R3HDM2: variants seen among roughly 807,000 people sequenced by gnomAD.
R3HDM2 encodes the protein R3H domain containing 2, also known as R3H domain-containing protein 2.
Under a neutral mutation model 124.5 loss-of-function variants are expected in R3HDM2, and 38 were observed. The observed-to-expected ratio is 0.31, with a 90% CI of 0.24 to 0.40. The LOEUF is 0.40. R3HDM2 is among the 10% of genes least tolerant of loss of function. The pLI, the probability that R3HDM2 is intolerant of heterozygous loss-of-function variation, is 1.00. For synonymous variants in R3HDM2, 391 were observed against 448.0 expected, an observed-to-expected ratio of 0.87 and a Z score of 1.61; for missense variants, 869 against 1,236.9, an observed-to-expected ratio of 0.70 and a Z score of 4.46.
At position 57,268,366 on chromosome 12, in the gene R3HDM2, A is replaced by C; in HGVS notation, c.1967T>G (p.Leu656Arg). Residue 656 changes from leucine to arginine, a missense_variant, in exon 18 of 24, where the codon CTC (leucine) becomes CGC (arginine). Physicochemically the swap from Leu to Arg is moderately radical, Grantham distance 102 (BLOSUM62 -2). Around this residue, in one of 2 missense-constraint regions of R3HDM2, gnomAD observed 602 missense variants for 789.2 expected, o/e 0.76. Coordinates refer to ENST00000402412, the MANE Select transcript of R3HDM2 (RefSeq NM_001394031.1). ...GTACACTGGTACCCCCGCTGCTGGG[A>C]GGCCTCCTTGCACAGACTGGCTCAC... The part of the protein sequence containing the change: ...VPVSQSVQGG[L>R]PAAGVPVYYS... The C allele has an allele frequency of 6.2e-7, 1 of 1,614,116 alleles. No individual in the cohort carries two copies. The highest frequency in any genetic ancestry group is 2.2e-5 in the East Asian group (1 of 44,884).
At chr12:57,278,588 C>T (rs186603113) in intron 14 of R3HDM2, among the ~76,000 whole-genome samples, 139 of 152,230 alleles carry the variant, frequency 9.1e-4, no homozygotes, top group African/African-American at 3.3e-3. Flanking sequence ...GCATAGTTTA[C>T]CCACTTACAG....
At chr12:57,277,728 G>A (rs1369204473) in intron 14 of R3HDM2, among the ~76,000 whole-genome samples, 1 of 152,162 alleles carries the variant, frequency 6.6e-6, no homozygotes, top group Non-Finnish European at 1.5e-5. Flanking sequence ...GATTACAGGC[G>A]TGAGCTACCG....
intron 2 of R3HDM2, among the ~76,000 whole-genome samples, chr12:57,351,769 G>A (rs2060702049): frequency 6.6e-6 from 1 of 152,132 alleles, no homozygotes; most frequent in African/African-American, 2.4e-5. Context: ...ACATGGCACA[G>A]AGTAGGAACT....
chr12:57,338,595 T>C (rs1438355236), intron 2 of R3HDM2, among the ~76,000 whole-genome samples: 1 of 152,200 alleles, frequency 6.6e-6, no homozygotes, highest in Non-Finnish European at 1.5e-5. Context: ...TTTCACCATA[T>C]AGCCCAGGCT....
At chr12:57,382,605 G>A (rs1284779920) in intron 2 of R3HDM2, among the ~76,000 whole-genome samples, 1 of 150,170 alleles carries the variant, frequency 6.7e-6, no homozygotes, top group Non-Finnish European at 1.5e-5. Context: ...GGGAGGCCGA[G>A]GAGGGCCGAT....
At chr12:57,293,528 A>G (rs1359216929) in intron 10 of R3HDM2, among the ~76,000 whole-genome samples, 1 of 152,158 alleles carries the variant, frequency 6.6e-6, no homozygotes, top group Non-Finnish European at 1.5e-5. Context: ...ACCTCTGAGT[A>G]GCCTACCATC....
intron 10 of R3HDM2, among the ~76,000 whole-genome samples, chr12:57,294,091 T>C (rs551923876): frequency 6.6e-6 from 1 of 152,266 alleles, no homozygotes; most frequent in Non-Finnish European, 1.5e-5. Context: ...ATAACCCCCA[T>C]CCTCATTGGG....
chr12:57,388,857 A>AC (rs1183298258), intron 2 of R3HDM2, among the ~76,000 whole-genome samples: 1 of 152,182 alleles, frequency 6.6e-6, no homozygotes, highest in Non-Finnish European at 1.5e-5. Context: ...ATTAAAGAAA[A>AC]AAAAGATGGT....
At chr12:57,257,923 C>G (rs2039537463) in intron 21 of R3HDM2, 67 bp downstream of exon 21, 1 of 1,372,122 alleles carries the variant, frequency 7.3e-7, no homozygotes, top group African/African-American at 1.4e-5. Context: ...CTCTTTCAAT[C>G]TCTGCAATTG....
At chr12:57,386,416 G>A (rs919758388) in intron 2 of R3HDM2, among the ~76,000 whole-genome samples, 17 of 152,240 alleles carry the variant, frequency 1.1e-4, no homozygotes, top group African/African-American at 3.9e-4. Flanking sequence ...GAGGCCAGCC[G>A]GCCCCGCCCA....
Position 57,283,975 on chromosome 12 carries a change from G to A in R3HDM2, c.1020C>T (p.Arg340=). ...CATCAGAGTCTGTGCTGCTCCAAGGGCGTGGCTCCAGGGATTTGAGTTCGC... is the reference window on the plus strand; with the variant it reads ...CATCAGAGTCTGTGCTGCTCCAAGGACGTGGCTCCAGGGATTTGAGTTCGC... ...TDSELKSLEP[R]PWSSTDSDGS... is the part of the protein sequence containing the mutation. Residue 340 remains arginine (R), a synonymous_variant, in exon 13 of 24, where the codon CGC becomes CGT. Transcript: ENST00000402412. 1 of 1,614,126 alleles carries A rather than the reference G, an allele frequency of 6.2e-7. No homozygotes were observed. Among genetic ancestry groups the A allele is most frequent in the Non-Finnish European group, 8.5e-7 (1 of 1,179,998 alleles).
At chr12:57,405,372 C>T (rs537956201) in intron 1 of R3HDM2, among the ~76,000 whole-genome samples, 124 of 152,284 alleles carry the variant, frequency 8.1e-4, no homozygotes, top group Middle Eastern at 3.4e-3. Flanking sequence ...GGTGCAGTGG[C>T]TCATGCCTGT....
chr12:57,391,929 A>C (rs1432572268), intron 2 of R3HDM2, among the ~76,000 whole-genome samples: 1 of 152,198 alleles, frequency 6.6e-6, no homozygotes, highest in Non-Finnish European at 1.5e-5. Flanking sequence ...TGGGAGGCTG[A>C]GGCGGGTGGA....
intron 2 of R3HDM2, among the ~76,000 whole-genome samples, chr12:57,373,272 A>G (rs998363950): frequency 4.6e-5 from 7 of 151,734 alleles, no homozygotes; most frequent in Admixed American, 4.6e-4. Flanking sequence ...AGGCCAATGC[A>G]GGTGGATCAC....
intron 19 of R3HDM2, among the ~76,000 whole-genome samples, chr12:57,259,294 T>G (rs1440455373): frequency 1.3e-5 from 2 of 152,228 alleles, no homozygotes; most frequent in East Asian, 3.8e-4. Context: ...TCCCCTGGCC[T>G]TCACCTGGTG....
intron 2 of R3HDM2, among the ~76,000 whole-genome samples, chr12:57,326,511 A>C (rs2057330872): frequency 6.6e-6 from 1 of 152,252 alleles, no homozygotes; most frequent in Non-Finnish European, 1.5e-5. Flanking sequence ...GCTGCAGAAG[A>C]AAAGTTTGCT....
intron 1 of R3HDM2, among the ~76,000 whole-genome samples, chr12:57,420,167 A>G (rs2070048632): frequency 6.6e-6 from 1 of 152,020 alleles, no homozygotes; most frequent in Non-Finnish European, 1.5e-5. Flanking sequence ...TTCTGTTATC[A>G]TGGCTCTGTA....
chr12:57,382,760 C>T (rs1489237706), intron 2 of R3HDM2, among the ~76,000 whole-genome samples: 2 of 151,824 alleles, frequency 1.3e-5, no homozygotes, highest in South Asian at 2.1e-4. Context: ...GGCTTGAACC[C>T]AGGAGGCGGA....
intron 14 of R3HDM2, among the ~76,000 whole-genome samples, chr12:57,270,413 T>G (rs1330001204): frequency 1.3e-5 from 2 of 150,886 alleles, no homozygotes; most frequent in African/African-American, 2.4e-5. Flanking sequence ...TTGTTTTGTT[T>G]TGTTTTGTTT....
Sources: allele counts gnomAD v4.1 joint callset (sites outside exome capture counted in the v4.1 genomes callset), GRCh38; gene constraint gnomAD v4.1.1; regional missense constraint gnomAD v4.1.1; transcripts MANE v1.5; gene names NCBI Gene and HGNC (gene_info 2026-07-23, HGNC 2026-07-21).